Variants in TRAPPC9 observed in about 807,000 individuals in gnomAD.
TRAPPC9 encodes the protein IKK2 binding protein.
TRAPPC9 carries 83 observed loss-of-function variants against 124.0 expected under a neutral mutation model. The ratio of observed to expected loss-of-function variants is 0.67; its 90% CI spans 0.56 to 0.80. The LOEUF (loss-of-function observed/expected upper bound fraction) is 0.80, where lower values mean the gene tolerates loss of function less well. Among genes scored for constraint, TRAPPC9 ranks in the 30% least tolerant of loss-of-function variants. The pLI, the probability that TRAPPC9 is intolerant of heterozygous loss-of-function variation, is 0.00. For missense variants in TRAPPC9, 1,302 were observed against 1,508.3 expected (o/e 0.86, Z 2.27); for synonymous variants, 638 against 617.5 (o/e 1.03, Z -0.49).
chr8:139,905,235 T>G (rs1831276225), intron 20 of TRAPPC9, among the ~76,000 whole-genome samples: 1 of 149,372 alleles, frequency 6.7e-6, no homozygotes, highest in Non-Finnish European at 1.5e-5. Context: ...GCAGGAGAGG[T>G]CTGGGTCGGG....
chr8:140,345,778 T>C (rs1370182041), intron 9 of TRAPPC9, among the ~76,000 whole-genome samples: 1 of 152,130 alleles, frequency 6.6e-6, no homozygotes, highest in African/African-American at 2.4e-5. Context: ...AGGAGTCAGC[T>C]ACCAAAAGAC....
intron 17 of TRAPPC9, among the ~76,000 whole-genome samples, chr8:140,146,552 T>G (rs538934016): frequency 3.9e-5 from 6 of 152,296 alleles, no homozygotes; most frequent in East Asian, 1.9e-4. Flanking sequence ...ACTTTATGTA[T>G]CTCCATTTTT....
In TRAPPC9 at chr8:139,731,766, G is replaced by A. The variant is rs189478023; in HGVS notation, c.3279+213C>T. On this transcript the variant is annotated intron_variant, in intron 22 of 22. Coordinates refer to ENST00000438773, the MANE Select transcript of TRAPPC9 (RefSeq NM_001160372.4). ...TTTTCCTGCTTCACCAACCCTGAGGGCCTCACTGTCCAGGACTGAGAGACA... is the reference window on the plus strand; with the variant it reads ...TTTTCCTGCTTCACCAACCCTGAGGACCTCACTGTCCAGGACTGAGAGACA... Among the ~76,000 whole-genome samples, 458 of 152,262 alleles carry A rather than the reference G, an allele frequency of 3.0e-3. 2 individuals carry two copies. The highest frequency in any genetic ancestry group is 0.01 in the African/African-American group (419 of 41,546).
chr8:140,384,760 C>T (rs1315966834), intron 7 of TRAPPC9, among the ~76,000 whole-genome samples: 14 of 152,074 alleles, frequency 9.2e-5, no homozygotes, highest in African/African-American at 1.9e-4. Context: ...GACAGATCAA[C>T]GAGACAGAAA....
chr8:139,888,362 C>A (rs972088899), intron 20 of TRAPPC9, among the ~76,000 whole-genome samples: 1 of 152,218 alleles, frequency 6.6e-6, no homozygotes, highest in African/African-American at 2.4e-5. Context: ...TCCCTGGCCT[C>A]ACTTTCTTCA....
chr8:140,159,606 C>A (rs1217308236), intron 17 of TRAPPC9, among the ~76,000 whole-genome samples: 22 of 152,196 alleles, frequency 1.4e-4, no homozygotes, highest in Non-Finnish European at 1.9e-4. Context: ...TCATCCAAAT[C>A]ATTTAGCTAA....
chr8:140,201,749 A>G (rs2062795235), intron 17 of TRAPPC9, among the ~76,000 whole-genome samples: 1 of 152,246 alleles, frequency 6.6e-6, no homozygotes, highest in Non-Finnish European at 1.5e-5. Context: ...CACTAAGTCA[A>G]TATTATCATC....
chr8:140,183,937 GAGAGGAGA>G (rs2062278665), intron 17 of TRAPPC9, among the ~76,000 whole-genome samples: 3 of 55,930 alleles, frequency 5.4e-5, no homozygotes, highest in African/African-American at 1.6e-4. Context: ...GAGAGGAGAG[GAGAGGAGA>G]GGAGAGGGGA....
At chr8:140,207,736 G>A (rs1022270064) in intron 17 of TRAPPC9, among the ~76,000 whole-genome samples, 3 of 152,212 alleles carry the variant, frequency 2.0e-5, no homozygotes, top group Admixed American at 6.5e-5. Flanking sequence ...TTGCTGCCAC[G>A]AATCATAACC....
chr8:140,269,637 G>A (rs943455644), intron 15 of TRAPPC9, among the ~76,000 whole-genome samples: 1 of 152,060 alleles, frequency 6.6e-6, no homozygotes, highest in Non-Finnish European at 1.5e-5. Flanking sequence ...ATGTAATAAG[G>A]CAAATATAAC....
In TRAPPC9 at chr8:139,776,776, C is replaced by T. The variant is rs937511705; in HGVS notation, c.3056-44574G>A. Among the ~76,000 whole-genome samples, 32 of 152,174 alleles carry T rather than the reference C, an allele frequency of 2.1e-4. No individual in the cohort carries two copies. The highest frequency in any genetic ancestry group is 3.3e-4 in the Admixed American group (5 of 15,274). ...GGAATGATAAATCTTACCTGGGAAA[C>T]GACTGCATAAGAAGTTCCTCAGGGA... On this transcript the variant is annotated intron_variant, in intron 21 of 22. Coordinates refer to ENST00000438773, the MANE Select transcript of TRAPPC9 (RefSeq NM_001160372.4). The surrounding 1 kb of genome is among the most constrained non-coding windows in gnomAD (Gnocchi z 4.1).
intron 21 of TRAPPC9, among the ~76,000 whole-genome samples, chr8:139,791,464 C>T (rs1277383762): frequency 6.6e-6 from 1 of 151,470 alleles, no homozygotes; most frequent in African/African-American, 2.4e-5. Flanking sequence ...GTACCCGTCT[C>T]CCGTGCACAG....
chr8:140,300,742 A>T (rs1348811822), intron 10 of TRAPPC9, 128 bp from the exon 11 acceptor site: 1 of 1,149,928 alleles, frequency 8.7e-7, no homozygotes, highest in African/African-American at 1.5e-5. Context: ...GGAGGGAGGA[A>T]AAGCACTCCG....
At chr8:140,246,207 C>A (rs1325483576) in intron 16 of TRAPPC9, among the ~76,000 whole-genome samples, 1 of 152,210 alleles carries the variant, frequency 6.6e-6, no homozygotes, top group African/African-American at 2.4e-5. Context: ...TCAGGCGGAG[C>A]CCTTCAACAC....
At chr8:140,161,658 C>A (rs1192500942) in intron 17 of TRAPPC9, among the ~76,000 whole-genome samples, 1 of 152,144 alleles carries the variant, frequency 6.6e-6, no homozygotes, top group Admixed American at 6.5e-5. Context: ...CATGCAAGTG[C>A]TCAAAAAGTT....
At chr8:140,282,883 CTTTTTTATGT>C (rs1430439807) in intron 14 of TRAPPC9, among the ~76,000 whole-genome samples, 2 of 152,060 alleles carry the variant, frequency 1.3e-5, no homozygotes, top group African/African-American at 2.4e-5. Context: ...CTTTTTCTTT[CTTTTTTATGT>C]TTTCCTGTAA....
chr8:140,362,777 G>A (rs766532125), intron 8 of TRAPPC9, among the ~76,000 whole-genome samples: 95 of 152,242 alleles, frequency 6.2e-4, no homozygotes, highest in Non-Finnish European at 1.2e-3. Flanking sequence ...AATTCAGAAA[G>A]ACCCAATTTA....
rs998182522 is a variant in TRAPPC9 at position 139,925,337 on chromosome 8, G to A, written c.2811-15037C>T. ...CTTTGTAGGCTGCAGAGTTGCATATGGAGGTGGGGGAATCTTAGAGGCGAG... is the reference window on the plus strand; with the variant it reads ...CTTTGTAGGCTGCAGAGTTGCATATAGAGGTGGGGGAATCTTAGAGGCGAG... On this transcript the variant is annotated intron_variant, in intron 19 of 22. Coordinates refer to ENST00000438773, the MANE Select transcript of TRAPPC9 (RefSeq NM_001160372.4). Among the ~76,000 whole-genome samples, 6 of 152,304 alleles carry A rather than the reference G, an allele frequency of 3.9e-5. No homozygotes were observed. In the East Asian group the frequency reaches 9.7e-4, roughly 25 times the overall value.
At position 140,285,632 on chromosome 8, in the gene TRAPPC9, G is replaced by A. The variant is rs994657532; in HGVS notation, c.1982-1611C>T. ...GACCACCCACTCTGACCACCCCCAG[G>A]TCCCCCAAATGTACCATGTTCTCTC... On this transcript the variant is annotated intron_variant, in intron 13 of 22. Coordinates refer to ENST00000438773, the MANE Select transcript of TRAPPC9 (RefSeq NM_001160372.4). Among the ~76,000 whole-genome samples the A allele has an allele frequency of 4.0e-5, 6 of 151,784 alleles. No homozygotes were observed. The East Asian group carries it at 9.7e-4, about 25-fold the overall frequency.
Sources: allele counts gnomAD v4.1 joint callset (sites outside exome capture counted in the v4.1 genomes callset), GRCh38; gene constraint gnomAD v4.1.1; non-coding constraint Gnocchi (gnomAD v3.1); transcripts MANE v1.5; gene names NCBI Gene and HGNC (gene_info 2026-07-23, HGNC 2026-07-21).